AGAP1: variants seen among roughly 807,000 people sequenced by gnomAD.
AGAP1 encodes the protein arf-GAP with GTPase, ANK repeat and PH domain-containing protein 1.
Under a neutral mutation model 105.3 loss-of-function variants are expected in AGAP1, and 29 were observed. The observed-to-expected ratio is 0.28, with a 90% confidence interval of 0.21 to 0.38. The LOEUF is 0.38. Among genes scored for constraint, AGAP1 ranks in the 10% least tolerant of loss-of-function variants. AGAP1 has a pLI of 1.00. For missense variants in AGAP1, 998 were observed against 1,165.1 expected (o/e 0.86, Z 2.09); for synonymous variants, 509 against 485.9 (o/e 1.05, Z -0.63).
At chr2:235,636,036 C>A (rs1946987547) in intron 1 of AGAP1, among the ~76,000 whole-genome samples, 1 of 151,864 alleles carries the variant, frequency 6.6e-6, no homozygotes, top group Non-Finnish European at 1.5e-5. Flanking sequence ...TAGCTTGAAC[C>A]CGGAAGGTGG....
rs1400016960 is a variant in AGAP1 at position 235,662,611 on chromosome 2, A to G, written c.164-46568A>G. Among the ~76,000 whole-genome samples, 3 of 147,564 alleles carry G rather than the reference A, an allele frequency of 2.0e-5. No homozygotes were observed. The highest frequency in any genetic ancestry group is 6.9e-5 in the Admixed American group (1 of 14,576). Reference sequence around the variant, plus strand: ...AACCTCTGCCTCCTGGGTTCAAGCGATTTTTCTGCCTCAGCCTCCCAAGTA... The same window carrying G: ...AACCTCTGCCTCCTGGGTTCAAGCGGTTTTTCTGCCTCAGCCTCCCAAGTA... On this transcript the variant is annotated intron_variant, in intron 1 of 17. Coordinates refer to ENST00000304032, the MANE Select transcript of AGAP1 (RefSeq NM_001037131.3). The surrounding 1 kb of genome is among the most constrained non-coding windows in gnomAD (Gnocchi z 4.2).
chr2:235,914,358 G>C (rs1052554465), intron 11 of AGAP1, among the ~76,000 whole-genome samples: 1 of 152,104 alleles, frequency 6.6e-6, no homozygotes, highest in African/African-American at 2.4e-5. Context: ...TATTGGGGTG[G>C]GGGGAGGACA....
At chr2:235,500,929 A>G (rs748564028) in intron 1 of AGAP1, among the ~76,000 whole-genome samples, 1 of 152,188 alleles carries the variant, frequency 6.6e-6, no homozygotes, top group African/African-American at 2.4e-5. Context: ...CGTGCAGTTT[A>G]TATAGCATTT....
chr2:236,129,955 C>T lies in AGAP1; in HGVS notation c.*5833C>T, dbSNP rs561355274. 2 of 152,308 alleles carry T rather than the reference C, an allele frequency of 1.3e-5. No homozygotes were observed. Among genetic ancestry groups the T allele is most frequent in the East Asian group, 3.9e-4 (2 of 5,172 alleles). 9.4% of individuals were successfully genotyped at this position (152,308 alleles called of 1,614,324 possible). ...TGCTGGTTTTGGTGTAAAATGACAG[C>T]ACTTGGTTTGGGGTTTTGCACCTGT... On this transcript the variant is annotated 3_prime_UTR_variant, in exon 18 of 18. Coordinates refer to ENST00000304032, the MANE Select transcript of AGAP1 (RefSeq NM_001037131.3). This position sits in a 1 kb window ranked among gnomAD's most constrained non-coding sequence, Gnocchi z 6.2.
chr2:235,568,561 G>A (rs539545058), intron 1 of AGAP1, among the ~76,000 whole-genome samples: 3 of 152,170 alleles, frequency 2.0e-5, no homozygotes, highest in Non-Finnish European at 4.4e-5. Context: ...GGAAGGAGAA[G>A]CTGTGTATGT....
At chr2:235,851,725 A>G (rs1459168458) in intron 9 of AGAP1, among the ~76,000 whole-genome samples, 1 of 152,088 alleles carries the variant, frequency 6.6e-6, no homozygotes, top group Non-Finnish European at 1.5e-5. Context: ...GGGACGGGGA[A>G]GCGCCTCTTG....
rs368945909 is a variant in AGAP1, at chr2:236,040,854, G to A, written c.1891+13G>A. On this transcript the variant is annotated intron_variant, in intron 15 of 17. Transcript: ENST00000304032. The surrounding 1 kb of genome is among the most constrained non-coding windows in gnomAD (Gnocchi z 5.6). ...TGCGAGACCCAGAGTAAGTGTGTGC[G>A]GTGGTAGCAGGGGCTGGCGCTGTGT... The A allele has an allele frequency of 1.4e-5, 22 of 1,613,906 alleles. No individual in the cohort carries two copies. Among genetic ancestry groups the A allele is most frequent in the African/African-American group, 6.7e-5 (5 of 74,948 alleles).
intron 1 of AGAP1, among the ~76,000 whole-genome samples, chr2:235,678,158 A>G (rs1948859347): frequency 6.6e-6 from 1 of 152,064 alleles, no homozygotes; most frequent in Non-Finnish European, 1.5e-5. Context: ...AGATATTTGG[A>G]TATCTCACTC....
chr2:235,972,486 T>C (rs1231784392), intron 13 of AGAP1, among the ~76,000 whole-genome samples: 1 of 151,834 alleles, frequency 6.6e-6, no homozygotes, highest in African/African-American at 2.4e-5. Context: ...AGAAAGTGGG[T>C]TTGGTGTAGA....
At chr2:235,511,278 C>T (rs1258371860) in intron 1 of AGAP1, among the ~76,000 whole-genome samples, 2 of 152,172 alleles carry the variant, frequency 1.3e-5, no homozygotes, top group South Asian at 2.1e-4. Flanking sequence ...GATTCTGTTT[C>T]GGTGGGAGCT....
At chr2:235,995,634 T>C (rs549859510) in intron 13 of AGAP1, among the ~76,000 whole-genome samples, 2 of 152,276 alleles carry the variant, frequency 1.3e-5, no homozygotes, top group African/African-American at 4.8e-5. Context: ...GCAGACAACC[T>C]TAGCAGGGCA....
At chr2:235,899,611 C>T (rs1429491283) in intron 10 of AGAP1, among the ~76,000 whole-genome samples, 1 of 152,212 alleles carries the variant, frequency 6.6e-6, no homozygotes, top group South Asian at 2.1e-4. Context: ...GGCAGTATCA[C>T]CATGGTGAAC....
intron 6 of AGAP1, among the ~76,000 whole-genome samples, chr2:235,758,172 G>A (rs113737374): frequency 5.3e-5 from 8 of 151,694 alleles, no homozygotes; most frequent in African/African-American, 1.9e-4. Context: ...GTGTGTTAGC[G>A]AGGGAATACT....
intron 10 of AGAP1, among the ~76,000 whole-genome samples, chr2:235,903,550 G>C (rs1053283383): frequency 6.6e-6 from 1 of 152,144 alleles, no homozygotes; most frequent in African/African-American, 2.4e-5. Flanking sequence ...AATATAGTAA[G>C]GGTATTTTTA....
At chr2:236,117,621 A>G (rs950467139) in intron 16 of AGAP1, among the ~76,000 whole-genome samples, 6 of 152,192 alleles carry the variant, frequency 3.9e-5, no homozygotes, top group African/African-American at 1.4e-4. Context: ...AGCGGAATCA[A>G]ATAGTTGTGG....
intron 6 of AGAP1, among the ~76,000 whole-genome samples, chr2:235,772,820 G>A (rs3108501): frequency 0.24 from 36,225 of 152,104 alleles, 4,927 homozygotes; most frequent in Admixed American, 0.39. Flanking sequence ...GGATGCAAGC[G>A]GGTCTCTCTC....
At chr2:235,636,312 G>A (rs555474014) in intron 1 of AGAP1, among the ~76,000 whole-genome samples, 1 of 152,158 alleles carries the variant, frequency 6.6e-6, no homozygotes, top group Non-Finnish European at 1.5e-5. Context: ...AGACAGACAG[G>A]AAAGTGTCCC....
At position 236,120,412 on chromosome 2, in the gene AGAP1, A is replaced by G; in HGVS notation, c.2335A>G (p.Lys779Glu). Reference sequence around the variant, plus strand: ...CACGGCGCTGCATCTGGCCTGCCGCAAGGGGAATGTGGTCCTGGCGCAGCT... The same window carrying G: ...CACGGCGCTGCATCTGGCCTGCCGCGAGGGGAATGTGGTCCTGGCGCAGCT... ...GRTALHLACR[K>E]GNVVLAQLLI... Residue 779 changes from lysine to glutamate, a missense_variant, in exon 17 of 18, where the codon AAG becomes GAG. Around this residue, in one of 3 missense-constraint regions of AGAP1, gnomAD observed 235 missense variants for 270.7 expected, o/e 0.87. Coordinates refer to ENST00000304032, the MANE Select transcript of AGAP1 (RefSeq NM_001037131.3). The surrounding 1 kb of genome is among the most constrained non-coding windows in gnomAD (Gnocchi z 6.0). 2 of 1,611,464 alleles carry G rather than the reference A, an allele frequency of 1.2e-6. No homozygotes were observed. Among genetic ancestry groups the G allele is most frequent in the Admixed American group, 1.7e-5 (1 of 60,010 alleles).
chr2:235,589,090 G>T (rs1211406974), intron 1 of AGAP1, among the ~76,000 whole-genome samples: 8 of 151,612 alleles, frequency 5.3e-5, no homozygotes, highest in Non-Finnish European at 1.2e-4. Context: ...GCCCTTTCTG[G>T]TCCCTCTTGG....
Sources: allele counts gnomAD v4.1 joint callset (sites outside exome capture counted in the v4.1 genomes callset), GRCh38; gene constraint gnomAD v4.1.1; regional missense constraint gnomAD v4.1.1; non-coding constraint Gnocchi (gnomAD v3.1); transcripts MANE v1.5; gene names NCBI Gene and HGNC (gene_info 2026-07-23, HGNC 2026-07-21).